PSMA1: variants seen among roughly 807,000 people sequenced by gnomAD.
PSMA1 encodes proteasome 20S subunit alpha 1, also known as proteasome subunit alpha type-1.
Under a neutral mutation model 38.4 loss-of-function variants are expected in PSMA1, and 3 were observed. That is an observed-to-expected ratio of 0.08 (90% confidence interval 0.04 to 0.20). The LOEUF (loss-of-function observed/expected upper bound fraction) is 0.20, where lower values mean the gene tolerates loss of function less well. Among genes scored for constraint, PSMA1 ranks in the 10% least tolerant of loss-of-function variants. The pLI, the probability that PSMA1 is intolerant of heterozygous loss-of-function variation, is 1.00. For missense variants in PSMA1, 227 were observed against 325.3 expected (o/e 0.70, Z 2.32); for synonymous variants, 101 against 107.1 (o/e 0.94, Z 0.35).
At chr11:14,608,624 TA>T (rs920512666) in intron 2 of PSMA1, among the ~76,000 whole-genome samples, 5 of 147,706 alleles carry the variant, frequency 3.4e-5, no homozygotes, top group African/African-American at 7.4e-5. Flanking sequence ...TTATATATGT[TA>T]AAAATATATA....
intron 2 of PSMA1, among the ~76,000 whole-genome samples, chr11:14,589,099 C>T (rs1191300911): frequency 6.6e-6 from 1 of 152,178 alleles, no homozygotes; most frequent in Non-Finnish European, 1.5e-5. Context: ...GAATTCTCTT[C>T]TCCTAGATTT....
chr11:14,538,123 T>C (rs1225008966), intron 2 of PSMA1, among the ~76,000 whole-genome samples: 1 of 152,200 alleles, frequency 6.6e-6, no homozygotes, highest in Admixed American at 6.5e-5. Flanking sequence ...TCAATATTTA[T>C]TCCTAGCAAA....
chr11:14,593,349 C>T (rs570284308), intron 2 of PSMA1, among the ~76,000 whole-genome samples: 179 of 152,300 alleles, frequency 1.2e-3, no homozygotes, highest in South Asian at 6.2e-3. Flanking sequence ...CCAAATTTAC[C>T]TGACCACAGA....
rs540852581 is a variant in PSMA1, at chr11:14,554,666, G to A, written c.22-35625C>T. ...TCTATTATATTTCACTGATCTATGT[G>A]TCTATCTCTCCATCAATATCACACT... On this transcript the variant is annotated intron_variant, in intron 2 of 10. Coordinates refer to the PSMA1 transcript ENST00000418988. Among the ~76,000 whole-genome samples the A allele has an allele frequency of 7.2e-5, 11 of 152,150 alleles. No homozygotes were observed. The South Asian group carries it at 2.3e-3, about 32-fold the overall frequency.
chr11:14,599,755 T>A (rs1307992223), intron 2 of PSMA1, among the ~76,000 whole-genome samples: 1 of 152,242 alleles, frequency 6.6e-6, no homozygotes, highest in Non-Finnish European at 1.5e-5. Context: ...CTCATCAAAG[T>A]CATTCTCTGC....
upstream of PSMA1, among the ~76,000 whole-genome samples, chr11:14,523,773 A>G (rs1035902709): frequency 1.3e-5 from 2 of 150,780 alleles, no homozygotes; most frequent in Non-Finnish European, 3.0e-5. Context: ...TGTAGAGACA[A>G]GGTCTTACTT....
intron 2 of PSMA1, among the ~76,000 whole-genome samples, chr11:14,531,306 G>A (rs1467807437): frequency 2.0e-5 from 3 of 152,000 alleles, no homozygotes; most frequent in African/African-American, 7.3e-5. Flanking sequence ...TCGACCCTGG[G>A]GTCTATTGTT....
intron 1 of PSMA1, among the ~76,000 whole-genome samples, chr11:14,634,508 T>C (rs961768020): frequency 6.6e-6 from 1 of 152,126 alleles, no homozygotes; most frequent in African/African-American, 2.4e-5. Flanking sequence ...AGGCTTTTTT[T>C]TTTTTTAAGT....
rs186880831 is a variant in PSMA1 at position 14,617,586 on chromosome 11, A to G, written c.-165-6435T>C. ...ACACACTAAGACTGTTAGCTCAGAA[A>G]TAGGTTAGCTGCTTCAGAAAATCAG... On this transcript the variant is annotated intron_variant, in intron 1 of 10. Coordinates refer to the PSMA1 transcript ENST00000418988. Among the ~76,000 whole-genome samples, 3 of 152,226 alleles carry G rather than the reference A, an allele frequency of 2.0e-5. No individual in the cohort carries two copies. In the East Asian group the frequency reaches 5.8e-4, roughly 29 times the overall value.
intron 1 of PSMA1, among the ~76,000 whole-genome samples, chr11:14,635,347 T>C (rs1459606527): frequency 6.6e-6 from 1 of 152,202 alleles, no homozygotes; most frequent in African/African-American, 2.4e-5. Context: ...TTTTTCACAG[T>C]TTGCACTTAC....
chr11:14,520,005 C>T (rs1851500605), intron 1 of PSMA1: 3 of 550,644 alleles, frequency 5.4e-6, no homozygotes, highest in Non-Finnish European at 9.8e-6. Context: ...CTGGACCGCT[C>T]AGAATCTACT....
rs367732361 is a variant in PSMA1 at position 14,545,094 on chromosome 11, T to C, written c.22-26053A>G. ...TGATAAAAAATGCTGTAAACTTAGA[T>C]TATAGTGAAGATTGCATAATTCTGT... On this transcript the variant is annotated intron_variant, in intron 2 of 10. Transcript: ENST00000418988. Among the ~76,000 whole-genome samples the C allele has an allele frequency of 3.9e-5, 6 of 152,142 alleles. No individual in the cohort carries two copies. In the South Asian group the frequency reaches 1.2e-3, roughly 31 times the overall value.
At chr11:14,603,795 G>T (rs1376280643) in intron 2 of PSMA1, among the ~76,000 whole-genome samples, 1 of 152,188 alleles carries the variant, frequency 6.6e-6, no homozygotes, top group East Asian at 1.9e-4. Context: ...GAAATGTAGT[G>T]ACAGGGAAAA....
chr11:14,603,381 C>T (rs1035635932), intron 2 of PSMA1, among the ~76,000 whole-genome samples: 5 of 152,278 alleles, frequency 3.3e-5, no homozygotes, highest in East Asian at 1.9e-4. Context: ...ATCCATATGA[C>T]GAGATGTAAT....
At chr11:14,569,840 T>G (rs1291173006) in intron 2 of PSMA1, among the ~76,000 whole-genome samples, 1 of 152,238 alleles carries the variant, frequency 6.6e-6, no homozygotes, top group Non-Finnish European at 1.5e-5. Flanking sequence ...CATCCCTGTC[T>G]GACAGCTTTG....
intron 2 of PSMA1, among the ~76,000 whole-genome samples, chr11:14,609,440 G>T (rs1278018509): frequency 6.6e-6 from 1 of 152,152 alleles, no homozygotes; most frequent in Non-Finnish European, 1.5e-5. Context: ...TTTTGGGGAA[G>T]ACCTTTTTTA....
rs562309289 is a variant in PSMA1, at chr11:14,626,470, T to C, written c.-165-15319A>G. On this transcript the variant is annotated intron_variant, in intron 1 of 10. Coordinates refer to the PSMA1 transcript ENST00000418988. ...AAATCAAGTAAAGGTATTTACTCTC[T>C]AGAGCTAAAGAAAGACATATCCTTA... Among the ~76,000 whole-genome samples the C allele has an allele frequency of 2.0e-5, 3 of 152,342 alleles. No individual in the cohort carries two copies. The East Asian group carries it at 5.8e-4, about 29-fold the overall frequency.
At chr11:14,551,551 C>T (rs1238045052) in intron 2 of PSMA1, among the ~76,000 whole-genome samples, 6 of 152,300 alleles carry the variant, frequency 3.9e-5, no homozygotes, top group East Asian at 1.9e-4. Context: ...ATGCCTCTGA[C>T]GATTGCAGCT....
chr11:14,530,841 G>T (rs1345679638), intron 2 of PSMA1, among the ~76,000 whole-genome samples: 3 of 145,816 alleles, frequency 2.1e-5, no homozygotes, highest in African/African-American at 5.1e-5. Flanking sequence ...GGTGGAGGTT[G>T]CAGTGAGCCG....
Sources: gnomAD v4.1 joint callset for allele counts (sites outside exome capture counted in the v4.1 genomes callset) on GRCh38, gnomAD v4.1.1 for gene constraint, MANE v1.5 for transcripts, NCBI Gene and HGNC (gene_info 2026-07-23, HGNC 2026-07-21) for gene names.